OSTF1: variants seen among roughly 807,000 people sequenced by gnomAD.
The protein encoded by OSTF1 is osteoclast-stimulating factor 1.
A neutral mutation model predicts 37.2 loss-of-function variants in OSTF1; 27 were observed. The ratio of observed to expected loss-of-function variants is 0.73; its 90% CI spans 0.54 to 1.00. The LOEUF is 1.00. Among genes scored for constraint, OSTF1 ranks in the 50% least tolerant of loss-of-function variants. OSTF1 has a pLI of 0.00. For synonymous variants in OSTF1, 82 were observed against 89.2 expected (o/e 0.92, Z 0.46); for missense variants, 232 against 253.8 (o/e 0.91, Z 0.58).
At chr9:75,094,950 G>A (rs1364050269) in intron 1 of OSTF1, among the ~76,000 whole-genome samples, 1 of 152,180 alleles carries the variant, frequency 6.6e-6, no homozygotes, top group Non-Finnish European at 1.5e-5. Flanking sequence ...GGAGACTGAG[G>A]TGGGAGGATC....
In OSTF1 at chr9:75,147,072, C is replaced by G. The variant is rs1249182187; in HGVS notation, c.*331C>G. ...TTTTTTTTTAGTTAAAATGCTTTAC[C>G]TCAATGGTTGAGATATTTTGAATGG... On this transcript the variant is annotated 3_prime_UTR_variant, in exon 10 of 10. Coordinates refer to ENST00000346234, the MANE Select transcript of OSTF1 (RefSeq NM_012383.5). 1 of 135,004 alleles carries G rather than the reference C, an allele frequency of 7.4e-6. No individual in the cohort carries two copies. The highest frequency in any genetic ancestry group is 2.0e-4 in the East Asian group (1 of 5,070). 8.4% of individuals were successfully genotyped at this position (135,004 alleles called of 1,614,324 possible). A position where few individuals can be genotyped will look rare whatever the true frequency, so the allele number is the denominator to read the frequency against.
chr9:75,119,965 TA>T (rs201097240), intron 2 of OSTF1, among the ~76,000 whole-genome samples: 19,054 of 136,414 alleles, frequency 0.14, 1,589 homozygotes, highest in African/African-American at 0.25. Context: ...TCCGTCTTAA[TA>T]AAAAAAAAAA....
intron 1 of OSTF1, among the ~76,000 whole-genome samples, chr9:75,115,698 C>T (rs1825477442): frequency 2.1e-5 from 3 of 143,276 alleles, no homozygotes; most frequent in African/African-American, 5.2e-5. Flanking sequence ...TTTTCCTATA[C>T]TGTTTGGGTT....
At chr9:75,089,364 T>G (rs1824900622) in intron 1 of OSTF1, among the ~76,000 whole-genome samples, 1 of 151,694 alleles carries the variant, frequency 6.6e-6, no homozygotes, top group Non-Finnish European at 1.5e-5. Context: ...CTCCTTTGCC[T>G]TTGCTCTCCC....
intron 4 of OSTF1, among the ~76,000 whole-genome samples, chr9:75,131,058 T>C (rs961110109): frequency 6.6e-6 from 1 of 152,220 alleles, no homozygotes; most frequent in Non-Finnish European, 1.5e-5. Flanking sequence ...GTTTGGAGAC[T>C]TTGAGAGATG....
chr9:75,133,475 A>T (rs1039924363), intron 6 of OSTF1, 74 bp downstream of exon 6: 8 of 881,694 alleles, frequency 9.1e-6, no homozygotes, highest in Non-Finnish European at 1.5e-5. Flanking sequence ...AGATTTACAA[A>T]AAATGAGAAA....
chr9:75,137,161 A>G (rs148520869), intron 7 of OSTF1, among the ~76,000 whole-genome samples: 61 of 152,266 alleles, frequency 4.0e-4, no homozygotes, highest in African/African-American at 1.4e-3. Context: ...CTTTAAACCA[A>G]TATCTCTGTT....
At chr9:75,135,848 A>G (rs908075365) in intron 7 of OSTF1, among the ~76,000 whole-genome samples, 26 of 152,324 alleles carry the variant, frequency 1.7e-4, no homozygotes, top group Non-Finnish European at 3.4e-4. Context: ...TAACTGTAGT[A>G]TTACTGAGGC....
intron 5 of OSTF1, among the ~76,000 whole-genome samples, chr9:75,132,988 CACACACACACACACACACACA>C (rs758063076): frequency 6.7e-6 from 1 of 149,904 alleles, no homozygotes; most frequent in African/African-American, 2.5e-5. Flanking sequence ...CACACACACA[CACACACACACACACACACACA>C]CACCCCTATA....
intron 2 of OSTF1, among the ~76,000 whole-genome samples, chr9:75,122,188 A>C (rs369245162): frequency 4.3e-4 from 66 of 152,324 alleles, no homozygotes; most frequent in African/African-American, 1.5e-3. Context: ...TGTTAAGAGG[A>C]GCATTGATTT....
intron 1 of OSTF1, among the ~76,000 whole-genome samples, chr9:75,101,405 T>G (rs1825191498): frequency 6.6e-6 from 1 of 152,216 alleles, no homozygotes; most frequent in Admixed American, 6.5e-5. Context: ...GGCTGTTGTC[T>G]TAGTGAGTAG....
intron 6 of OSTF1, 120 bp downstream of exon 6, chr9:75,133,521 A>C: frequency 1.6e-6 from 1 of 630,812 alleles, no homozygotes; most frequent in East Asian, 2.8e-5. Flanking sequence ...AATCCTTTAG[A>C]ATACCGGCCA....
intron 2 of OSTF1, among the ~76,000 whole-genome samples, chr9:75,124,036 T>C (rs1288401221): frequency 1.3e-5 from 2 of 152,228 alleles, no homozygotes; most frequent in Non-Finnish European, 2.9e-5. Context: ...GGACGAGAAT[T>C]ACTTGAAAGA....
At chr9:75,094,992 T>G (rs1825047104) in intron 1 of OSTF1, among the ~76,000 whole-genome samples, 1 of 152,188 alleles carries the variant, frequency 6.6e-6, no homozygotes. Context: ...ATCGTGCCAC[T>G]GCACTCCAGC....
intron 9 of OSTF1, among the ~76,000 whole-genome samples, chr9:75,142,880 A>G (rs1825964419): frequency 6.6e-6 from 1 of 151,902 alleles, no homozygotes; most frequent in South Asian, 2.1e-4. Flanking sequence ...CTATTTGGCC[A>G]TAGAGTTAAT....
intron 1 of OSTF1, among the ~76,000 whole-genome samples, chr9:75,099,126 T>C (rs764274537): frequency 6.6e-6 from 1 of 152,004 alleles, no homozygotes; most frequent in African/African-American, 2.4e-5. Flanking sequence ...ATAGTAGAAA[T>C]GGGGTTTCAT....
intron 6 of OSTF1, 21 bp from the exon 7 acceptor site, chr9:75,134,325 T>A (rs749036954): frequency 2.2e-6 from 3 of 1,376,836 alleles, no homozygotes; most frequent in Non-Finnish European, 3.1e-6. Flanking sequence ...TTAAAAGGTA[T>A]CTTTTCTCTT....
chr9:75,127,511 T>TAATCATATTCTAATTCATGAAA (rs1825680077), intron 2 of OSTF1, 58 bp from the exon 3 acceptor site: 5 of 941,632 alleles, frequency 5.3e-6, no homozygotes, highest in Non-Finnish European at 8.3e-6. Flanking sequence ...TGAATCTATA[T>TAATCATATTCTAATTCATGAAA]AATCATATTC....
At chr9:75,114,882 C>G (rs1014232565) in intron 1 of OSTF1, among the ~76,000 whole-genome samples, 5 of 152,288 alleles carry the variant, frequency 3.3e-5, no homozygotes, top group African/African-American at 1.2e-4. Context: ...ATGCTTCCAT[C>G]TATTCCTTTC....
Sources: gnomAD v4.1 joint callset for allele counts (sites outside exome capture counted in the v4.1 genomes callset) on GRCh38, gnomAD v4.1.1 for gene constraint, MANE v1.5 for transcripts, NCBI Gene and HGNC (gene_info 2026-07-23, HGNC 2026-07-21) for gene names.